Variants in RASAL2 observed in about 807,000 individuals in gnomAD.
The protein encoded by RASAL2 is ras GTPase-activating protein nGAP.
In RASAL2, 58 loss-of-function variants were observed where a neutral mutation model predicts 128.9. The observed-to-expected ratio is 0.45, with a 90% CI of 0.36 to 0.56. The LOEUF is 0.56. Ranked by LOEUF, RASAL2 falls within the 20% of genes least tolerant of loss-of-function variation. The pLI is 0.00. For synonymous variants in RASAL2, 561 were observed against 580.8 expected, an observed-to-expected ratio of 0.97 and a Z score of 0.49; for missense variants, 1,360 against 1,601.6, an observed-to-expected ratio of 0.85 and a Z score of 2.57.
At chr1:178,437,422 A>G (rs1023405109) in intron 5 of RASAL2, among the ~76,000 whole-genome samples, 2 of 152,140 alleles carry the variant, frequency 1.3e-5, no homozygotes, top group African/African-American at 2.4e-5. Context: ...TGGCACCGCT[A>G]TGATTTGGGG....
intron 5 of RASAL2, among the ~76,000 whole-genome samples, chr1:178,433,953 G>GT (rs756530560): frequency 1.2e-4 from 18 of 151,742 alleles, no homozygotes; most frequent in Admixed American, 6.6e-4. Flanking sequence ...AACTTCACCA[G>GT]TTTTTTTCCT....
intron 3 of RASAL2, among the ~76,000 whole-genome samples, chr1:178,310,862 C>G (rs1296872140): frequency 1.3e-5 from 2 of 152,092 alleles, no homozygotes; most frequent in Non-Finnish European, 2.9e-5. Flanking sequence ...AAAGGACTCC[C>G]TTTCTAATTT....
At chr1:178,175,390 G>A (rs911448644) in intron 1 of RASAL2, among the ~76,000 whole-genome samples, 2 of 150,280 alleles carry the variant, frequency 1.3e-5, no homozygotes, top group African/African-American at 4.9e-5. Context: ...ACTAACAACT[G>A]TTGGAACTGT....
At chr1:178,103,780 C>G (rs1658991176) in intron 1 of RASAL2, among the ~76,000 whole-genome samples, 1 of 151,986 alleles carries the variant, frequency 6.6e-6, no homozygotes, top group Admixed American at 6.6e-5. Flanking sequence ...GTAAAGAACC[C>G]TTTATCTGCA....
At chr1:178,319,833 A>G (rs1037295879) in intron 3 of RASAL2, among the ~76,000 whole-genome samples, 8 of 152,180 alleles carry the variant, frequency 5.3e-5, no homozygotes, top group African/African-American at 9.7e-5. Context: ...TCTGTTGCTG[A>G]TGAGGAACTG....
intron 1 of RASAL2, among the ~76,000 whole-genome samples, chr1:178,165,308 G>A (rs1357111035): frequency 3.3e-5 from 5 of 152,076 alleles, no homozygotes; most frequent in African/African-American, 1.2e-4. Flanking sequence ...CAACCAAAGA[G>A]CAAGGATTCA....
chr1:178,320,856 A>G (rs978953555), intron 3 of RASAL2, among the ~76,000 whole-genome samples: 4 of 152,136 alleles, frequency 2.6e-5, no homozygotes, highest in African/African-American at 9.7e-5. Flanking sequence ...CGTAAAATTT[A>G]CTCAATTTAG....
chr1:178,147,799 G>A lies in RASAL2; in HGVS notation c.202+53105G>A, dbSNP rs997879775. Among the ~76,000 whole-genome samples, 32 of 152,144 alleles carry A rather than the reference G, an allele frequency of 2.1e-4. 1 individual carries two copies. Among genetic ancestry groups the A allele is most frequent in the Non-Finnish European group, 3.1e-4 (21 of 68,020 alleles). Reference sequence around the variant, plus strand: ...TGATTGAGTGATTGGGCTGGGCTTGGTGGCTCACACCTGTAATCCCAGCAC... The same window carrying A: ...TGATTGAGTGATTGGGCTGGGCTTGATGGCTCACACCTGTAATCCCAGCAC... On this transcript the variant is annotated intron_variant, in intron 1 of 17. Coordinates refer to ENST00000367649, the MANE Select transcript of RASAL2 (RefSeq NM_170692.4).
intron 3 of RASAL2, among the ~76,000 whole-genome samples, chr1:178,375,257 G>C (rs1671924570): frequency 6.6e-6 from 1 of 151,976 alleles, no homozygotes; most frequent in African/African-American, 2.4e-5. Flanking sequence ...GTCTTGAAAA[G>C]AACGCAGAAT....
At chr1:178,268,942 T>G (rs1043034277) in intron 1 of RASAL2, among the ~76,000 whole-genome samples, 36 of 152,216 alleles carry the variant, frequency 2.4e-4, no homozygotes, top group Non-Finnish European at 3.8e-4. Context: ...GCACCTGTTT[T>G]TTTAAATACT....
intron 3 of RASAL2, among the ~76,000 whole-genome samples, chr1:178,366,843 G>A (rs192813416): frequency 2.0e-5 from 3 of 152,234 alleles, no homozygotes; most frequent in East Asian, 3.9e-4. Context: ...TATGATTTCA[G>A]TTGTATAAAA....
intron 17 of RASAL2, among the ~76,000 whole-genome samples, chr1:178,470,998 T>C (rs1572139291): frequency 6.6e-6 from 1 of 152,126 alleles, no homozygotes; most frequent in East Asian, 1.9e-4. Flanking sequence ...ACAAAGGGAG[T>C]TTCTTTATGT....
At chr1:178,311,504 C>T (rs1668249986) in intron 3 of RASAL2, among the ~76,000 whole-genome samples, 1 of 151,888 alleles carries the variant, frequency 6.6e-6, no homozygotes, top group African/African-American at 2.4e-5. Flanking sequence ...CTACCTATAC[C>T]TCCACCTTAG....
chr1:178,321,125 C>T (rs553459756), intron 3 of RASAL2, among the ~76,000 whole-genome samples: 172 of 152,234 alleles, frequency 1.1e-3, no homozygotes, highest in African/African-American at 4.0e-3. Flanking sequence ...TCTCTGTCAC[C>T]CAGGCTGGAG....
At chr1:178,239,725 T>G (rs1452611257) in intron 1 of RASAL2, among the ~76,000 whole-genome samples, 1 of 151,972 alleles carries the variant, frequency 6.6e-6, no homozygotes, top group Non-Finnish European at 1.5e-5. Context: ...TGCCAGAATC[T>G]AAGAGTAAGG....
chr1:178,109,922 G>A (rs978402357), intron 1 of RASAL2, among the ~76,000 whole-genome samples: 1 of 152,142 alleles, frequency 6.6e-6, no homozygotes, highest in Non-Finnish European at 1.5e-5. Flanking sequence ...GGAGGCTGAA[G>A]CAGGAGGATT....
At chr1:178,231,932 G>A (rs1193831050) in intron 1 of RASAL2, among the ~76,000 whole-genome samples, 1 of 152,122 alleles carries the variant, frequency 6.6e-6, no homozygotes, top group Non-Finnish European at 1.5e-5. Context: ...GCAGTTATTG[G>A]TTGATGATAA....
intron 1 of RASAL2, among the ~76,000 whole-genome samples, chr1:178,248,188 T>C (rs1433548216): frequency 1.3e-5 from 2 of 152,156 alleles, no homozygotes; most frequent in Non-Finnish European, 1.5e-5. Flanking sequence ...CTCCAACTAT[T>C]ATTGTGTGGG....
Position 178,473,255 on chromosome 1 carries a change from G to A in RASAL2, c.*16G>A. 6.2e-7 allele frequency: 1 copy of A among 1,613,812 alleles called. No homozygotes were observed. The highest frequency in any genetic ancestry group is 8.5e-7 in the Non-Finnish European group (1 of 1,179,774). ...CAGCTGCTGACGGGCTTTGTCTGTGGAAGGAGACAGAAGGAAATTGACCCA... is the reference window on the plus strand; with the variant it reads ...CAGCTGCTGACGGGCTTTGTCTGTGAAAGGAGACAGAAGGAAATTGACCCA... On this transcript the variant is annotated 3_prime_UTR_variant, in exon 18 of 18. Coordinates refer to ENST00000367649, the MANE Select transcript of RASAL2 (RefSeq NM_170692.4).
Sources: gnomAD v4.1 joint callset for allele counts (sites outside exome capture counted in the v4.1 genomes callset) on GRCh38, gnomAD v4.1.1 for gene constraint, MANE v1.5 for transcripts, NCBI Gene and HGNC (gene_info 2026-07-23, HGNC 2026-07-21) for gene names.